HECW2: variants seen among roughly 807,000 people sequenced by gnomAD.
HECW2 encodes E3 ubiquitin-protein ligase HECW2.
A neutral mutation model predicts 175.2 loss-of-function variants in HECW2; 61 were observed. That is an observed-to-expected ratio of 0.35 (90% CI 0.28 to 0.43). The LOEUF (loss-of-function observed/expected upper bound fraction) is 0.43. Among genes scored for constraint, HECW2 ranks in the 20% least tolerant of loss-of-function variants. The pLI is 1.00. For synonymous variants in HECW2, 671 were observed against 731.0 expected, an observed-to-expected ratio of 0.92 and a Z score of 1.32; for missense variants, 1,524 against 2,000.5, an observed-to-expected ratio of 0.76 and a Z score of 4.54.
intron 2 of HECW2, among the ~76,000 whole-genome samples, chr2:196,379,891 T>G: frequency 1.4e-5 from 1 of 69,464 alleles, no homozygotes; most frequent in African/African-American, 5.8e-5. Context: ...TGTATGCTAT[T>G]CTCCAGCAAA....
At chr2:196,357,947 T>C (rs1381477303) in intron 2 of HECW2, among the ~76,000 whole-genome samples, 2 of 152,234 alleles carry the variant, frequency 1.3e-5, no homozygotes, top group Non-Finnish European at 2.9e-5. Flanking sequence ...GGAAGTTCTT[T>C]ATAGTAGTGT....
intron 1 of HECW2, among the ~76,000 whole-genome samples, chr2:196,441,897 T>C (rs964887616): frequency 6.6e-6 from 1 of 152,072 alleles, no homozygotes; most frequent in East Asian, 1.9e-4. Context: ...TCTCAGAAAA[T>C]GCAATTTATC....
intron 16 of HECW2, 57 bp from the exon 17 acceptor site, chr2:196,271,346 T>C (rs1244843012): frequency 4.6e-6 from 6 of 1,308,888 alleles, no homozygotes; most frequent in Admixed American, 1.9e-5. Context: ...TTTAGTTTTA[T>C]GTATATAAAT....
chr2:196,438,724 A>G (rs1381180599), intron 1 of HECW2, among the ~76,000 whole-genome samples: 1 of 152,232 alleles, frequency 6.6e-6, no homozygotes, highest in Non-Finnish European at 1.5e-5. Flanking sequence ...TTTGAGCCAA[A>G]TCTCTAATAG....
chr2:196,576,787 C>T, intron 1 of HECW2, among the ~76,000 whole-genome samples: 1 of 152,054 alleles, frequency 6.6e-6, no homozygotes. Flanking sequence ...AATGTATACA[C>T]ATATCAAAAC....
At chr2:196,404,293 T>C (rs1050829794) in intron 2 of HECW2, among the ~76,000 whole-genome samples, 3 of 152,314 alleles carry the variant, frequency 2.0e-5, no homozygotes, top group East Asian at 3.9e-4. Flanking sequence ...AATATATACT[T>C]ACTTGCCTAA....
intron 3 of HECW2, among the ~76,000 whole-genome samples, chr2:196,338,998 C>T (rs1419471884): frequency 6.6e-6 from 1 of 152,148 alleles, no homozygotes; most frequent in South Asian, 2.1e-4. Flanking sequence ...CCTGAAATGG[C>T]CAGGCTTTCC....
intron 2 of HECW2, among the ~76,000 whole-genome samples, chr2:196,360,427 T>C (rs1369815926): frequency 6.6e-6 from 1 of 152,206 alleles, no homozygotes; most frequent in Non-Finnish European, 1.5e-5. Context: ...CCATTATTCT[T>C]AGCAAACTAA....
intron 1 of HECW2, among the ~76,000 whole-genome samples, chr2:196,572,818 A>G (rs943110036): frequency 6.6e-6 from 1 of 152,190 alleles, no homozygotes; most frequent in Non-Finnish European, 1.5e-5. Context: ...ACAGCTGTCT[A>G]TAAGCCAGAA....
intron 2 of HECW2, among the ~76,000 whole-genome samples, chr2:196,379,546 G>A (rs1039599932): frequency 5.9e-5 from 9 of 151,974 alleles, no homozygotes; most frequent in South Asian, 2.1e-4. Flanking sequence ...TTAGCCAGGC[G>A]TGGTGGCGGG....
At chr2:196,300,870 T>A (rs1691022312) in intron 13 of HECW2, among the ~76,000 whole-genome samples, 1 of 151,366 alleles carries the variant, frequency 6.6e-6, no homozygotes, top group Non-Finnish European at 1.5e-5. Context: ...GTTGCTCTTT[T>A]TTTTTCTTCA....
intron 3 of HECW2, among the ~76,000 whole-genome samples, chr2:196,339,148 G>A (rs1396564555): frequency 1.3e-5 from 2 of 152,176 alleles, no homozygotes; most frequent in African/African-American, 2.4e-5. Context: ...CATCCAAGGG[G>A]CAAAAAGACC....
chr2:196,501,409 G>T (rs115677180), intron 1 of HECW2, among the ~76,000 whole-genome samples: 7 of 152,048 alleles, frequency 4.6e-5, no homozygotes, highest in African/African-American at 1.4e-4. Context: ...AGAGACAGGC[G>T]TGGGAGTCTC....
chr2:196,310,573 TGGG>T (rs1051437150), intron 10 of HECW2, among the ~76,000 whole-genome samples: 19 of 152,350 alleles, frequency 1.2e-4, no homozygotes, highest in Admixed American at 6.5e-4. Flanking sequence ...GTCTTTATAT[TGGG>T]CCTGGTTTGT....
intron 1 of HECW2, among the ~76,000 whole-genome samples, chr2:196,561,317 G>T (rs865931896): frequency 1.3e-5 from 2 of 152,178 alleles, no homozygotes; most frequent in Admixed American, 1.3e-4. Context: ...GCAAATTCTA[G>T]TCAGATGTGC....
chr2:196,480,376 AACCTGACTT>A (rs1362416386), intron 1 of HECW2, among the ~76,000 whole-genome samples: 6 of 152,340 alleles, frequency 3.9e-5, no homozygotes, highest in Middle Eastern at 3.4e-3. Flanking sequence ...GTGGTGAGAC[AACCTGACTT>A]CTATTTAGGG....
chr2:196,253,382 C>T (rs1379057946), intron 19 of HECW2, among the ~76,000 whole-genome samples: 3 of 152,196 alleles, frequency 2.0e-5, no homozygotes, highest in Admixed American at 6.5e-5. Flanking sequence ...CATTCATCCA[C>T]CCACTCACTC....
At chr2:196,492,183 C>G (rs1687222842) in intron 1 of HECW2, among the ~76,000 whole-genome samples, 2 of 152,148 alleles carry the variant, frequency 1.3e-5, no homozygotes, top group East Asian at 3.8e-4. Flanking sequence ...GAGTTACACT[C>G]CTCAGTACAA....
chr2:196,273,049 ATTTTT>A (rs778348590), intron 16 of HECW2, among the ~76,000 whole-genome samples: 90 of 112,990 alleles, frequency 8.0e-4, no homozygotes, highest in African/African-American at 3.2e-3. Flanking sequence ...AGCTGGTCTA[ATTTTT>A]TTTTTTTTTT....
Sources: gnomAD v4.1 joint callset for allele counts (sites outside exome capture counted in the v4.1 genomes callset) on GRCh38, gnomAD v4.1.1 for gene constraint, MANE v1.5 for transcripts, NCBI Gene and HGNC (gene_info 2026-07-23, HGNC 2026-07-21) for gene names.